The following PCSK5 variants were observed in gnomAD, a reference collection of about 807,000 sequenced individuals.
PCSK5 encodes the protein proprotein convertase subtilisin/kexin type 5.
PCSK5 carries 129 observed loss-of-function variants against 233.2 expected under a neutral mutation model. That is an observed-to-expected ratio of 0.55 (90% CI 0.48 to 0.64). PCSK5 has a LOEUF of 0.64. PCSK5 is among the 30% of genes least tolerant of loss of function. The pLI is 0.00. For missense variants in PCSK5, 2,076 were observed against 2,430.1 expected (o/e 0.85, Z 3.06); for synonymous variants, 825 against 879.2 (o/e 0.94, Z 1.09).
rs1041503041 is a variant in PCSK5, at chr9:75,891,531, G to GCATACA, written c.192+160_192+161insTACACA. On this transcript the variant is annotated intron_variant, in intron 1 of 37. Transcript: ENST00000674117. Reference sequence around the variant, plus strand: ...CTGTCTCCTGCGCGCGCGCGCGTACGCACACACACACACACACACACACAC... The same window carrying GCATACA: ...CTGTCTCCTGCGCGCGCGCGCGTACGCATACACACACACACACACACACACACACAC... Among the ~76,000 whole-genome samples the GCATACA allele has an allele frequency of 2.5e-3, 375 of 148,792 alleles. 1 individual carries two copies. Among genetic ancestry groups the GCATACA allele is most frequent in the Non-Finnish European group, 3.2e-3 (218 of 67,098 alleles).
At chr9:76,026,840 G>T (rs556663206) in intron 4 of PCSK5, 121 bp from the exon 5 acceptor site, 2 of 637,794 alleles carry the variant, frequency 3.1e-6, no homozygotes, top group Non-Finnish European at 2.8e-6. Context: ...TGAGGTGAGC[G>T]TATTAGTTAA....
At chr9:76,273,750 A>C (rs888691700) in intron 24 of PCSK5, among the ~76,000 whole-genome samples, 1 of 151,062 alleles carries the variant, frequency 6.6e-6, no homozygotes, top group Admixed American at 6.6e-5. Context: ...CTCTTGCCTC[A>C]GTCCCCCAAG....
At chr9:76,231,950 T>C (rs1404611781) in intron 21 of PCSK5, among the ~76,000 whole-genome samples, 2 of 151,434 alleles carry the variant, frequency 1.3e-5, no homozygotes, top group African/African-American at 2.4e-5. Context: ...ACTTCTCTCT[T>C]AGGTTGTCGG....
intron 20 of PCSK5, among the ~76,000 whole-genome samples, chr9:76,221,780 CA>C (rs1188139414): frequency 6.6e-6 from 1 of 152,168 alleles, no homozygotes; most frequent in Non-Finnish European, 1.5e-5. Context: ...GTTGGATCCA[CA>C]ATTTACGATC....
intron 6 of PCSK5, among the ~76,000 whole-genome samples, chr9:76,068,782 C>T (rs1022815300): frequency 4.6e-5 from 7 of 152,124 alleles, no homozygotes; most frequent in African/African-American, 7.2e-5. Context: ...TTCTATGGAT[C>T]CTCATGATTT....
At chr9:75,983,684 A>C (rs192484602) in intron 2 of PCSK5, among the ~76,000 whole-genome samples, 9 of 152,358 alleles carry the variant, frequency 5.9e-5, no homozygotes, top group Admixed American at 2.0e-4. Context: ...GAGGCAAAGC[A>C]CACAATAATT....
intron 3 of PCSK5, among the ~76,000 whole-genome samples, chr9:76,000,616 A>G (rs1220062546): frequency 3.9e-5 from 6 of 152,186 alleles, no homozygotes; most frequent in Non-Finnish European, 8.8e-5. Flanking sequence ...CTTTCATTTT[A>G]TTTATCAGGG....
At chr9:76,160,359 G>A (rs1040102068) in intron 12 of PCSK5, among the ~76,000 whole-genome samples, 8 of 152,198 alleles carry the variant, frequency 5.3e-5, no homozygotes, top group African/African-American at 1.7e-4. Context: ...GAGGGGAGAT[G>A]TCAGCTTTTC....
chr9:76,309,463 G>A lies in PCSK5; in HGVS notation c.3688+735G>A, dbSNP rs143743270. 2.6e-4 allele frequency among the ~76,000 whole-genome samples: 39 copies of A among 152,342 alleles called. No homozygotes were observed. The East Asian group carries it at 5.0e-3, about 20-fold the overall frequency. On this transcript the variant is annotated intron_variant, in intron 29 of 37. Transcript: ENST00000674117. ...AATCCCAACACTTTGGGAGGCTGAA[G>A]CAGGAGGATCACTTGAGGCCAGGAG... is the stretch of plus-strand genomic sequence containing the variant.
intron 3 of PCSK5, among the ~76,000 whole-genome samples, chr9:76,009,745 T>C (rs1481293096): frequency 6.6e-6 from 1 of 152,142 alleles, no homozygotes; most frequent in Non-Finnish European, 1.5e-5. Context: ...CAGTGAAAGC[T>C]AGATTGATAG....
intron 10 of PCSK5, among the ~76,000 whole-genome samples, chr9:76,148,333 G>T (rs1041968656): frequency 1.6e-5 from 2 of 124,726 alleles, no homozygotes; most frequent in African/African-American, 3.1e-5. Context: ...GAGAGAGAGA[G>T]GGAGGGAGTT....
At chr9:76,175,175 T>TG in intron 14 of PCSK5, 46 bp downstream of exon 14, 1 of 1,586,288 alleles carries the variant, frequency 6.3e-7, no homozygotes, top group Non-Finnish European at 8.6e-7. Flanking sequence ...AGGCAGCTCA[T>TG]GCATCATCCC....
chr9:76,194,532 C>G (rs1209478925), intron 20 of PCSK5: 2 of 170,136 alleles, frequency 1.2e-5, no homozygotes, highest in African/African-American at 2.4e-5. Flanking sequence ...TTCTACTCCT[C>G]TGTCCCTCTA....
intron 5 of PCSK5, among the ~76,000 whole-genome samples, chr9:76,042,458 C>A (rs976486010): frequency 1.6e-4 from 24 of 152,188 alleles, no homozygotes; most frequent in Non-Finnish European, 5.9e-5. Context: ...CAAGACCAGC[C>A]TGGCCAACAT....
At chr9:76,025,553 T>C (rs555408653) in intron 4 of PCSK5, among the ~76,000 whole-genome samples, 1 of 152,268 alleles carries the variant, frequency 6.6e-6, no homozygotes, top group East Asian at 1.9e-4. Context: ...TAGTAAGATG[T>C]TGAGTCACCA....
chr9:75,892,410 A>G (rs1163198309), intron 1 of PCSK5, among the ~76,000 whole-genome samples: 2 of 152,170 alleles, frequency 1.3e-5, no homozygotes, highest in African/African-American at 4.8e-5. Flanking sequence ...CTCCACATAC[A>G]CACCGCAAGC....
intron 3 of PCSK5, among the ~76,000 whole-genome samples, chr9:76,023,529 G>A (rs983350856): frequency 6.6e-6 from 1 of 151,932 alleles, no homozygotes; most frequent in African/African-American, 2.4e-5. Context: ...GCTGGGCATG[G>A]TGGTGTGCCT....
At chr9:76,180,051 G>C (rs1823781082) in intron 15 of PCSK5, among the ~76,000 whole-genome samples, 1 of 136,756 alleles carries the variant, frequency 7.3e-6, no homozygotes, top group Non-Finnish European at 1.5e-5. Flanking sequence ...TATTTATAAT[G>C]CATAACATGA....
rs1365375934 is a variant in PCSK5 at position 76,157,211 on chromosome 9, A to G, written c.1430+49A>G. ...GCATGACAATGCCCCAAAATAGAGC[A>G]AGCCAGTCAATTGCTCAAGACAGCC... On this transcript the variant is annotated intron_variant, in intron 11 of 37. Coordinates refer to ENST00000674117, the MANE Select transcript of PCSK5 (RefSeq NM_001372043.1). The G allele has an allele frequency of 4.8e-6, 6 of 1,247,058 alleles. No homozygotes were observed. In the African/African-American group the frequency reaches 7.4e-5, roughly 15 times the overall value. The allele number at this position is 1,247,058 out of a possible 1,614,324, so 77.2% of individuals were successfully genotyped here. A position where few individuals can be genotyped will look rare whatever the true frequency, so the allele number is the denominator to read the frequency against.
Sources: gnomAD v4.1 joint callset for allele counts (sites outside exome capture counted in the v4.1 genomes callset) on GRCh38, gnomAD v4.1.1 for gene constraint, MANE v1.5 for transcripts, NCBI Gene and HGNC (gene_info 2026-07-23, HGNC 2026-07-21) for gene names.